The following PEX7 variants were observed in gnomAD, a reference collection of about 807,000 sequenced individuals.
PEX7 encodes peroxisomal biogenesis factor 7, also known as PTS2 receptor.
PEX7 carries 34 observed loss-of-function variants against 47.5 expected under a neutral mutation model. The observed-to-expected ratio is 0.72, with a 90% CI of 0.54 to 0.95. PEX7 has a LOEUF of 0.95. PEX7 is among the 40% of genes least tolerant of loss of function. PEX7 has a pLI of 0.00. For missense variants in PEX7, 394 were observed against 400.3 expected (o/e 0.98, Z 0.13); for synonymous variants, 141 against 148.8 (o/e 0.95, Z 0.38).
At chr6:136,864,888 A>G (rs1443628847) in intron 5 of PEX7, among the ~76,000 whole-genome samples, 1 of 152,136 alleles carries the variant, frequency 6.6e-6, no homozygotes, top group Non-Finnish European at 1.5e-5. Flanking sequence ...TATAACCACA[A>G]AATGGCATTC....
chr6:136,910,705 T>C (rs572558559), intron 9 of PEX7, among the ~76,000 whole-genome samples: 1 of 152,268 alleles, frequency 6.6e-6, no homozygotes, highest in Non-Finnish European at 1.5e-5. Context: ...CAAAACGAGG[T>C]TTCTCTTGTG....
intron 8 of PEX7, among the ~76,000 whole-genome samples, chr6:136,889,652 A>G (rs940890947): frequency 3.3e-5 from 5 of 152,188 alleles, no homozygotes; most frequent in Non-Finnish European, 7.3e-5. Flanking sequence ...TGTTGCATGT[A>G]TTTGTATTTT....
At chr6:136,884,157 G>A (rs1050969009) in intron 8 of PEX7, among the ~76,000 whole-genome samples, 2 of 152,068 alleles carry the variant, frequency 1.3e-5, no homozygotes, top group African/African-American at 2.4e-5. Context: ...AACACATGTC[G>A]AGAATAAGAC....
chr6:136,892,036 T>C (rs1434071050), intron 8 of PEX7, among the ~76,000 whole-genome samples: 1 of 152,108 alleles, frequency 6.6e-6, no homozygotes, highest in Non-Finnish European at 1.5e-5. Context: ...ATCTGAGTGA[T>C]TATAGAAAGA....
At chr6:136,829,821 C>T (rs902994361) in intron 3 of PEX7, among the ~76,000 whole-genome samples, 1 of 152,020 alleles carries the variant, frequency 6.6e-6, no homozygotes, top group Non-Finnish European at 1.5e-5. Context: ...ACCTGTAGTC[C>T]CAGCTATTTG....
Position 136,837,812 on chromosome 6 carries a change from CCACACACACACA to C in PEX7, c.340-7781_340-7770del, listed in dbSNP as rs34680868. 5.1e-4 allele frequency among the ~76,000 whole-genome samples: 75 copies of C among 146,814 alleles called. 1 individual carries two copies. The highest frequency in any genetic ancestry group is 3.5e-3 in the Middle Eastern group (1 of 284). ...AGAATGAAAGCAATGAATTTAAACG[CCACACACACACA>C]CACACACACACACACACACACGTAC... On this transcript the variant is annotated intron_variant, in intron 3 of 9. Transcript: ENST00000318471.
intron 5 of PEX7, chr6:136,855,770 G>A (rs1009667122): frequency 1.0e-5 from 4 of 388,116 alleles, no homozygotes; most frequent in East Asian, 1.7e-4. Flanking sequence ...AGGATATTTC[G>A]TTTGCCCCAC....
intron 9 of PEX7, 58 bp downstream of exon 9, chr6:136,898,299 T>G: frequency 1.0e-6 from 1 of 998,514 alleles, no homozygotes; most frequent in Non-Finnish European, 1.6e-6. Flanking sequence ...CAACTCTGTG[T>G]GGCATGCATT....
In PEX7 at chr6:136,822,614, C is replaced by A; in HGVS notation, c.-52C>A. On this transcript the variant is annotated 5_prime_UTR_variant, in exon 1 of 10. Transcript: ENST00000318471. ...TCTAACCGCGCCAGTGTGCCTCCGA[C>A]TCGGAACGGCTTCCGCGGCCGGGGC... 6.7e-7 allele frequency: 1 copy of A among 1,500,202 alleles called. No individual in the cohort carries two copies. The highest frequency in any genetic ancestry group is 8.9e-7 in the Non-Finnish European group (1 of 1,118,544). The allele number at this position is 1,500,202 out of a possible 1,614,324, so 92.9% of individuals were successfully genotyped here.
chr6:136,880,891 G>T (rs950121063), intron 8 of PEX7, among the ~76,000 whole-genome samples: 5 of 152,202 alleles, frequency 3.3e-5, no homozygotes, highest in African/African-American at 1.2e-4. Flanking sequence ...TAATCACATG[G>T]AGGCTCCCAG....
intron 3 of PEX7, among the ~76,000 whole-genome samples, chr6:136,827,341 T>TAATTTAATTATGTAGCTATCAAACTAC (rs1420865240): frequency 2.0e-5 from 3 of 152,374 alleles, no homozygotes; most frequent in African/African-American, 7.2e-5. Context: ...TTATGATAGC[T>TAATTTAATTATGTAGCTATCAAACTAC]ATTTGAATAA....
chr6:136,893,192 CT>C (rs755460730), intron 8 of PEX7, among the ~76,000 whole-genome samples: 1 of 150,462 alleles, frequency 6.6e-6, no homozygotes, highest in East Asian at 1.9e-4. Flanking sequence ...CCTTCAGTGG[CT>C]TTTTTTTTCT....
chr6:136,873,859 C>G (rs567171058), intron 8 of PEX7, among the ~76,000 whole-genome samples: 2 of 151,974 alleles, frequency 1.3e-5, no homozygotes, highest in East Asian at 3.9e-4. Context: ...TTGTTGAAGG[C>G]TTTTTTTCCC....
Position 136,852,782 on chromosome 6 carries a change from A to C in PEX7, c.526+6601A>C, listed in dbSNP as rs1469392775. The stretch of plus-strand genomic sequence containing the variant: ...TGCCATCCCCATCAAGCTACCAATG[A>C]CTTTCTTCACAGAATTGGAAAAAAC... On this transcript the variant is annotated intron_variant, in intron 5 of 9. Coordinates refer to ENST00000318471, the MANE Select transcript of PEX7 (RefSeq NM_000288.4). 1.1e-4 allele frequency among the ~76,000 whole-genome samples: 3 copies of C among 27,946 alleles called. No individual in the cohort carries two copies. In the South Asian group the frequency reaches 3.0e-3, roughly 28 times the overall value. 18.3% of individuals were successfully genotyped at this position (27,946 alleles called of 152,430 possible).
chr6:136,848,205 G>T (rs568400125), intron 5 of PEX7, among the ~76,000 whole-genome samples: 1 of 152,198 alleles, frequency 6.6e-6, no homozygotes, highest in African/African-American at 2.4e-5. Context: ...TGTATCCTGA[G>T]ACTTTGCTGA....
At chr6:136,875,112 C>CT (rs1775247794) in intron 8 of PEX7, among the ~76,000 whole-genome samples, 1 of 151,778 alleles carries the variant, frequency 6.6e-6, no homozygotes, top group South Asian at 2.1e-4. Context: ...GCACTCCAGC[C>CT]TGGGCAACAA....
At chr6:136,858,294 G>A (rs1774898763) in intron 5 of PEX7, among the ~76,000 whole-genome samples, 1 of 152,220 alleles carries the variant, frequency 6.6e-6, no homozygotes, top group Admixed American at 6.5e-5. Flanking sequence ...GTTGGAACAT[G>A]GAGAGAACAG....
chr6:136,846,224 TG>T (rs768257694), intron 5 of PEX7, 43 bp downstream of exon 5: 1 of 1,245,730 alleles, frequency 8.0e-7, no homozygotes, highest in African/African-American at 1.5e-5. Context: ...TTGTAGTGAA[TG>T]GTGGCCTTGT....
intron 8 of PEX7, among the ~76,000 whole-genome samples, chr6:136,894,973 C>T (rs191778724): frequency 1.8e-4 from 28 of 152,276 alleles, no homozygotes; most frequent in Middle Eastern, 3.4e-3. Flanking sequence ...ATTTTACTTA[C>T]GCGATAGATG....
Sources: allele counts gnomAD v4.1 joint callset (sites outside exome capture counted in the v4.1 genomes callset), GRCh38; gene constraint gnomAD v4.1.1; transcripts MANE v1.5; gene names NCBI Gene and HGNC (gene_info 2026-07-23, HGNC 2026-07-21).